SLC17A4: variants seen among roughly 807,000 people sequenced by gnomAD.
The protein encoded by SLC17A4 is solute carrier family 17 member 4.
A neutral mutation model predicts 52.5 loss-of-function variants in SLC17A4; 33 were observed. The observed-to-expected ratio is 0.63, with a 90% confidence interval of 0.48 to 0.84. SLC17A4 has a LOEUF of 0.84. Among genes scored for constraint, SLC17A4 ranks in the 40% least tolerant of loss-of-function variants. The pLI is 0.00. For synonymous variants in SLC17A4, 225 were observed against 216.2 expected, an observed-to-expected ratio of 1.04 and a Z score of -0.36; for missense variants, 585 against 597.1, an observed-to-expected ratio of 0.98 and a Z score of 0.21.
chr6:25,762,202 G>A (rs1424039055), intron 2 of SLC17A4, 149 bp downstream of exon 2: 11 of 613,400 alleles, frequency 1.8e-5, no homozygotes, highest in Admixed American at 6.7e-5. Flanking sequence ...AATTCTATAC[G>A]GTTATACATT....
At position 25,773,517 on chromosome 6, in the gene SLC17A4, G is replaced by T. The variant is rs1762648968; in HGVS notation, c.830G>T (p.Cys277Phe). ...TTGATGTGTGCTTTCTTCCAGGACTGTTCACCAGGCTGGTCTCTTCCCATT... is the reference window on the plus strand; with the variant it reads ...TTGATGTGTGCTTTCTTCCAGGACTTTTCACCAGGCTGGTCTCTTCCCATT... ...YIVCSLAQQDCSPGWSLPIRA... is the reference protein window; with the variant it reads ...YIVCSLAQQDFSPGWSLPIRA... The change falls in exon 8 of 12, where the codon TGT becomes TTT. Residue 277 changes from cysteine (C) to phenylalanine (F), a missense_variant. Transcript: ENST00000377905. 6.2e-7 allele frequency: 1 copy of T among 1,613,704 alleles called. No homozygotes were observed. Among genetic ancestry groups the T allele is most frequent in the African/African-American group, 1.3e-5 (1 of 74,896 alleles).
intron 2 of SLC17A4, among the ~76,000 whole-genome samples, chr6:25,765,804 T>A (rs1485864331): frequency 6.6e-6 from 1 of 152,012 alleles, no homozygotes; most frequent in Admixed American, 6.5e-5. Flanking sequence ...AGAAATTACA[T>A]AGAAAAATGA....
rs76351268 is a variant in SLC17A4 at position 25,774,734 on chromosome 6, A to G, written c.987+1060A>G. On this transcript the variant is annotated intron_variant, in intron 8 of 11. Coordinates refer to ENST00000377905, the MANE Select transcript of SLC17A4 (RefSeq NM_005495.3). ...GAGGCCAAGGCTGAGGAAGAGGAAA[A>G]TGGGAAAATGAATGGAAAGACAAGT... 1.6e-3 allele frequency among the ~76,000 whole-genome samples: 250 copies of G among 152,272 alleles called. 5 individuals carry two copies. In the East Asian group the frequency reaches 0.027, roughly 16 times the overall value.
intron 8 of SLC17A4, among the ~76,000 whole-genome samples, chr6:25,775,755 GT>G (rs1399853832): frequency 1.3e-5 from 2 of 152,052 alleles, no homozygotes; most frequent in African/African-American, 4.8e-5. Context: ...TTCTTTCTTT[GT>G]TTCTTTATGA....
At chr6:25,763,934 G>A (rs1210784305) in intron 2 of SLC17A4, among the ~76,000 whole-genome samples, 2 of 152,230 alleles carry the variant, frequency 1.3e-5, no homozygotes, top group African/African-American at 4.8e-5. Context: ...GAAGAAAGAA[G>A]ATTAATATAG....
At chr6:25,778,957 C>T (rs1039406269) in intron 11 of SLC17A4, 97 bp from the exon 12 acceptor site, 18 of 1,500,684 alleles carry the variant, frequency 1.2e-5, no homozygotes, top group African/African-American at 8.3e-5. Context: ...GAGTGGAGGT[C>T]GGGGAGGGAG....
At position 25,770,998 on chromosome 6, in the gene SLC17A4, T is replaced by C. The variant is rs1762436269; in HGVS notation, c.692T>C (p.Val231Ala). 1 of 1,613,468 alleles carries C rather than the reference T, an allele frequency of 6.2e-7. No individual in the cohort carries two copies. Among genetic ancestry groups the C allele is most frequent in the Non-Finnish European group, 8.5e-7 (1 of 1,179,616 alleles). The change falls in exon 6 of 12, where the codon GTC becomes GCC. Residue 231 changes from valine (V) to alanine (A), a missense_variant. By Grantham distance (64) the Val-to-Ala change is moderately conservative. Coordinates refer to ENST00000377905, the MANE Select transcript of SLC17A4 (RefSeq NM_005495.3). ...LLCQTIGWPY[V>A]FYIFGGIGCA... The stretch of plus-strand genomic sequence containing the variant: ...TGCCAGACCATAGGATGGCCTTACG[T>C]CTTCTATATCTTTGGTGAGTGTGCT...
chr6:25,756,231 C>T (rs915938526), intron 1 of SLC17A4, among the ~76,000 whole-genome samples: 1 of 152,146 alleles, frequency 6.6e-6, no homozygotes, highest in Non-Finnish European at 1.5e-5. Context: ...TTAACCTCCT[C>T]ATTCACTCTG....
chr6:25,773,789 A>C, intron 8 of SLC17A4, 115 bp downstream of exon 8: 1 of 1,037,330 alleles, frequency 9.6e-7, no homozygotes, highest in Non-Finnish European at 1.4e-6. Context: ...AGGACCAGGC[A>C]GGACCTCCAT....
rs1481563669 is a variant in SLC17A4, at chr6:25,773,278, G to A, written c.710G>A (p.Gly237Glu). Residue 237 changes from glycine (G) to glutamate (E), a missense_variant, in exon 7 of 12, where the codon GGA becomes GAA. Coordinates refer to ENST00000377905, the MANE Select transcript of SLC17A4 (RefSeq NM_005495.3). The stretch of plus-strand genomic sequence containing the variant: ...TAACTGGATCCCCTTTTCCTAGGAG[G>A]AATTGGCTGTGCTTGTTGTCCTCTC... ...GWPYVFYIFG[G>E]IGCACCPLWF... 2 of 1,613,180 alleles carry A rather than the reference G, an allele frequency of 1.2e-6. No individual in the cohort carries two copies. Among genetic ancestry groups the A allele is most frequent in the East Asian group, 4.5e-5 (2 of 44,870 alleles).
chr6:25,779,066 G>C lies in SLC17A4; in HGVS notation c.1372G>C (p.Gly458Arg). The stretch of plus-strand genomic sequence containing the variant: ...TTTCTGCCTCCAGGATTCAGAGTTT[G>C]GTTGGAGAAATGTCTTCTTGCTTTC... ...GFFISQDSEF[G>R]WRNVFLLSAA... The change falls in exon 12 of 12, where the codon GGT (glycine) becomes CGT (arginine). Residue 458 changes from glycine (G) to arginine (R), a missense_variant. Physicochemically the swap from Gly to Arg is moderately radical, Grantham distance 125. Coordinates refer to ENST00000377905, the MANE Select transcript of SLC17A4 (RefSeq NM_005495.3). 1 of 1,613,718 alleles carries C rather than the reference G, an allele frequency of 6.2e-7. No individual in the cohort carries two copies. The highest frequency in any genetic ancestry group is 8.5e-7 in the Non-Finnish European group (1 of 1,179,696).
intron 8 of SLC17A4, among the ~76,000 whole-genome samples, chr6:25,775,404 T>A (rs1478472186): frequency 2.0e-5 from 3 of 152,066 alleles, no homozygotes; most frequent in South Asian, 2.1e-4. Flanking sequence ...TCCCAGCCCA[T>A]TCCAATGATA....
At chr6:25,769,577 A>G (rs1346243744) in intron 3 of SLC17A4, among the ~76,000 whole-genome samples, 1 of 151,882 alleles carries the variant, frequency 6.6e-6, no homozygotes, top group East Asian at 1.9e-4. Context: ...AAAAAGAAAG[A>G]AAGAAAGAAA....
chr6:25,764,480 G>C (rs994004640), intron 2 of SLC17A4, among the ~76,000 whole-genome samples: 2 of 152,202 alleles, frequency 1.3e-5, no homozygotes, highest in Non-Finnish European at 2.9e-5. Flanking sequence ...CTTCCAACTA[G>C]ATTGAAACTA....
intron 8 of SLC17A4, among the ~76,000 whole-genome samples, chr6:25,775,453 T>A (rs866379173): frequency 6.6e-6 from 1 of 152,208 alleles, no homozygotes; most frequent in East Asian, 1.9e-4. Context: ...TTCTTTCTTT[T>A]GAGACAACGT....
intron 2 of SLC17A4, among the ~76,000 whole-genome samples, chr6:25,765,207 A>T (rs1322520201): frequency 6.6e-6 from 1 of 152,250 alleles, no homozygotes; most frequent in Non-Finnish European, 1.5e-5. Flanking sequence ...TAAAAAAAGA[A>T]ATTGACAGGT....
intron 1 of SLC17A4, among the ~76,000 whole-genome samples, chr6:25,761,308 A>G (rs1316458956): frequency 2.0e-5 from 3 of 152,230 alleles, no homozygotes; most frequent in Non-Finnish European, 4.4e-5. Flanking sequence ...CTGACTCTAT[A>G]TTAGAATCTC....
chr6:25,771,710 C>T (rs1762497088), intron 6 of SLC17A4, among the ~76,000 whole-genome samples: 1 of 152,098 alleles, frequency 6.6e-6, no homozygotes, highest in Non-Finnish European at 1.5e-5. Flanking sequence ...AATCTAATAT[C>T]ATAGCTAGAA....
rs779144350 is a variant in SLC17A4 at position 25,770,375 on chromosome 6, T to C, written c.532-9T>C. On this transcript the variant is annotated splice_polypyrimidine_tract_variant and intron_variant, in intron 4 of 11. Transcript: ENST00000377905. Reference sequence around the variant, plus strand: ...CTCAGATCTCCAAGAATGGAATTTTTCCCCCCAGGTTATGGTATTAACTGG... The same window carrying C: ...CTCAGATCTCCAAGAATGGAATTTTCCCCCCCAGGTTATGGTATTAACTGG... 2.3e-4 allele frequency: 372 copies of C among 1,614,022 alleles called. 2 individuals carry two copies. The Admixed American group carries it at 4.7e-3, about 21-fold the overall frequency.
Sources: allele counts gnomAD v4.1 joint callset (sites outside exome capture counted in the v4.1 genomes callset), GRCh38; gene constraint gnomAD v4.1.1; transcripts MANE v1.5; gene names NCBI Gene and HGNC (gene_info 2026-07-23, HGNC 2026-07-21).